Variants in DNAH6 observed in about 807,000 individuals in gnomAD.
The protein encoded by DNAH6 is axonemal beta dynein heavy chain 6.
A neutral mutation model predicts 491.4 loss-of-function variants in DNAH6; 340 were observed. The ratio of observed to expected loss-of-function variants is 0.69; its 90% CI spans 0.63 to 0.76. DNAH6 has a LOEUF of 0.76. Among genes scored for constraint, DNAH6 ranks in the 30% least tolerant of loss-of-function variants. DNAH6 has a pLI of 0.00. For synonymous variants in DNAH6, 1,603 were observed against 1,686.1 expected (o/e 0.95, Z 1.21); for missense variants, 4,443 against 4,972.2 (o/e 0.89, Z 3.20).
the DNAH6 span, among the ~76,000 whole-genome samples, chr2:84,468,896 C>T: frequency 3.9e-5 from 6 of 152,138 alleles, no homozygotes; most frequent in Non-Finnish European, 7.3e-5. Flanking sequence ...AAAGGTCAAG[C>T]TTCCAAGGAC....
rs1269501283 is a variant in DNAH6, at chr2:84,714,754, A to G, written c.9544-806A>G. ...AGAGGGTGTATTGCCCACAAGACCCAAGCCTAGCTCTGTAACAGGGGGCAA... is the reference window on the plus strand; with the variant it reads ...AGAGGGTGTATTGCCCACAAGACCCGAGCCTAGCTCTGTAACAGGGGGCAA... On this transcript the variant is annotated intron_variant, in intron 57 of 76. Transcript: ENST00000389394. 2.0e-5 allele frequency among the ~76,000 whole-genome samples: 3 copies of G among 151,792 alleles called. No individual in the cohort carries two copies. In the East Asian group the frequency reaches 5.9e-4, roughly 30 times the overall value.
At chr2:84,625,199 A>G in intron 29 of DNAH6, 136 bp downstream of exon 29, 1 of 850,076 alleles carries the variant, frequency 1.2e-6, no homozygotes, top group Non-Finnish European at 1.7e-6. Flanking sequence ...TAATGGTTAA[A>G]GTGGAATAAA....
intron 59 of DNAH6, among the ~76,000 whole-genome samples, chr2:84,721,010 T>A (rs1474039115): frequency 1.3e-5 from 2 of 152,176 alleles, no homozygotes; most frequent in Non-Finnish European, 2.9e-5. Context: ...AATCCTTACA[T>A]AAAAATATGT....
rs566098523 is a variant in DNAH6 at position 84,797,400 on chromosome 2, T to G, written c.11360-137T>G. ...GACACAGCAATGAAAGCATGAAAGC[T>G]TAGGAAAAACAATCCCCCTTTCTAC... On this transcript the variant is annotated intron_variant, in intron 69 of 76. Coordinates refer to ENST00000389394, the MANE Select transcript of DNAH6 (RefSeq NM_001370.2). 3.4e-5 allele frequency: 26 copies of G among 763,364 alleles called. No individual in the cohort carries two copies. The African/African-American group carries it at 4.6e-4, about 13-fold the overall frequency. The allele number at this position is 763,364 out of a possible 1,614,324, so 47.3% of individuals were successfully genotyped here.
intron 18 of DNAH6, among the ~76,000 whole-genome samples, chr2:84,599,750 T>A (rs1685041999): frequency 6.6e-6 from 1 of 151,942 alleles, no homozygotes; most frequent in Non-Finnish European, 1.5e-5. Flanking sequence ...AATACTACAC[T>A]TTCTTAATTA....
At chr2:84,719,869 AACACACACACACAC>A (rs72442165) in intron 59 of DNAH6, among the ~76,000 whole-genome samples, 2 of 144,678 alleles carry the variant, frequency 1.4e-5, no homozygotes, top group African/African-American at 2.5e-5. Context: ...CTGTACCTCT[AACACACACACACAC>A]ACACACACAC....
At chr2:84,728,040 GT>G in intron 61 of DNAH6, 138 bp downstream of exon 61, 1 of 631,654 alleles carries the variant, frequency 1.6e-6, no homozygotes, top group South Asian at 1.9e-5. Flanking sequence ...CACGGGGGCA[GT>G]TTCCCCCATA....
At chr2:84,611,984 G>A (rs1686387462) in intron 22 of DNAH6, 130 bp downstream of exon 22, 1 of 714,478 alleles carries the variant, frequency 1.4e-6, no homozygotes, top group African/African-American at 1.8e-5. Context: ...ATTCTAGTCA[G>A]CATGGATGAC....
chr2:84,587,844 C>A (rs17025322), intron 15 of DNAH6, among the ~76,000 whole-genome samples: 3,351 of 152,284 alleles, frequency 0.022, 51 homozygotes, highest in Middle Eastern at 0.1. Flanking sequence ...TTCATGCTAC[C>A]TTTTGGGCCA....
intron 47 of DNAH6, 143 bp from the exon 48 acceptor site, chr2:84,699,451 A>T: frequency 1.4e-6 from 1 of 715,864 alleles, no homozygotes; most frequent in Admixed American, 3.0e-5. Context: ...GGTTGGAGTG[A>T]ATGTTGAACA....
chr2:84,551,805 T>C (rs1250959511), intron 9 of DNAH6, among the ~76,000 whole-genome samples: 1 of 152,198 alleles, frequency 6.6e-6, no homozygotes, highest in African/African-American at 2.4e-5. Context: ...CCCAGCACTT[T>C]GGGAGGCCAA....
intron 58 of DNAH6, among the ~76,000 whole-genome samples, chr2:84,715,869 C>G (rs559445532): frequency 6.6e-6 from 1 of 152,246 alleles, no homozygotes; most frequent in Admixed American, 6.5e-5. Flanking sequence ...TCCCCACCCC[C>G]ACTGTTTGAA....
At chr2:84,720,495 G>A (rs1317422775) in intron 59 of DNAH6, among the ~76,000 whole-genome samples, 1 of 151,274 alleles carries the variant, frequency 6.6e-6, no homozygotes, top group Non-Finnish European at 1.5e-5. Flanking sequence ...AGCTGGGATG[G>A]TCTTGATCTC....
the DNAH6 span, among the ~76,000 whole-genome samples, chr2:84,468,230 A>G: frequency 2.0e-5 from 3 of 152,220 alleles, no homozygotes; most frequent in East Asian, 1.9e-4. Flanking sequence ...GAGTTTTTTT[A>G]TATAAACATT....
chr2:84,597,753 T>A (rs375833735), intron 18 of DNAH6, among the ~76,000 whole-genome samples: 1 of 152,178 alleles, frequency 6.6e-6, no homozygotes, highest in Admixed American at 6.5e-5. Context: ...ATGTGGCATA[T>A]CTATATGATG....
intron 2 of DNAH6, 102 bp from the exon 3 acceptor site, chr2:84,525,463 G>T: frequency 1.7e-6 from 2 of 1,160,206 alleles, no homozygotes; most frequent in Non-Finnish European, 2.4e-6. Flanking sequence ...TTAGTCCAAG[G>T]AGATCAATTT....
intron 35 of DNAH6, among the ~76,000 whole-genome samples, chr2:84,655,876 A>G (rs1055136723): frequency 1.3e-5 from 2 of 152,136 alleles, no homozygotes; most frequent in Non-Finnish European, 2.9e-5. Flanking sequence ...TGAAAAATGC[A>G]TAATGTCACG....
chr2:84,483,037 T>C, the DNAH6 span, among the ~76,000 whole-genome samples: 1 of 151,680 alleles, frequency 6.6e-6, no homozygotes, highest in African/African-American at 2.4e-5. Flanking sequence ...CATAGCTCAC[T>C]GCAGCCTCCA....
In DNAH6 at chr2:84,787,385, G is replaced by T. The variant is rs532195425; in HGVS notation, c.11239+83G>T. On this transcript the variant is annotated intron_variant, in intron 68 of 76. Coordinates refer to ENST00000389394, the MANE Select transcript of DNAH6 (RefSeq NM_001370.2). ...CTCCCACCTGGCCCTTACAAAGATG[G>T]TGTCCTCCCCCAGTGTTTAATGGTG... is the stretch of plus-strand genomic sequence containing the variant. 8.3e-6 allele frequency: 9 copies of T among 1,078,206 alleles called. No homozygotes were observed. The African/African-American group carries it at 9.9e-5, about 12-fold the overall frequency. 66.8% of individuals were successfully genotyped at this position (1,078,206 alleles called of 1,614,324 possible).
Sources: gnomAD v4.1 joint callset for allele counts (sites outside exome capture counted in the v4.1 genomes callset) on GRCh38, gnomAD v4.1.1 for gene constraint, MANE v1.5 for transcripts, NCBI Gene and HGNC (gene_info 2026-07-23, HGNC 2026-07-21) for gene names.